PARD3B: variants seen among roughly 807,000 people sequenced by gnomAD.
PARD3B encodes par-3 family cell polarity regulator beta.
Under a neutral mutation model 130.2 loss-of-function variants are expected in PARD3B, and 103 were observed. That is an observed-to-expected ratio of 0.79 (90% CI 0.67 to 0.93). The LOEUF (loss-of-function observed/expected upper bound fraction) is 0.93. PARD3B is among the 40% of genes least tolerant of loss of function. The probability of loss-of-function intolerance (pLI) is 0.00; values close to 1 mark genes in which losing one functional copy is unlikely to be tolerated. For missense variants in PARD3B, 1,609 were observed against 1,499.2 expected (o/e 1.07, Z -1.21); for synonymous variants, 583 against 553.2 (o/e 1.05, Z -0.76).
chr2:204,946,259 G>A (rs190232812), intron 2 of PARD3B, among the ~76,000 whole-genome samples: 57 of 152,294 alleles, frequency 3.7e-4, no homozygotes, highest in African/African-American at 1.2e-3. Context: ...TACTGAAGAC[G>A]TGTCTCTTGG....
intron 14 of PARD3B, among the ~76,000 whole-genome samples, chr2:205,188,426 A>G (rs2036212584): frequency 6.6e-6 from 1 of 152,190 alleles, no homozygotes; most frequent in African/African-American, 2.4e-5. Flanking sequence ...CCTGGAGATG[A>G]CAGTATCAGG....
chr2:205,502,998 C>T (rs2050211919), intron 21 of PARD3B, among the ~76,000 whole-genome samples: 1 of 148,284 alleles, frequency 6.7e-6, no homozygotes, highest in Admixed American at 6.7e-5. Flanking sequence ...TCTCCCTTAT[C>T]CCCTCCCCTC....
chr2:204,801,149 G>A (rs2042554019), intron 2 of PARD3B, among the ~76,000 whole-genome samples: 2 of 152,162 alleles, frequency 1.3e-5, no homozygotes, highest in Admixed American at 6.5e-5. Flanking sequence ...CAGGTAGAGT[G>A]ATACCTCCAG....
chr2:204,853,420 G>C (rs1304564675), intron 2 of PARD3B, among the ~76,000 whole-genome samples: 1 of 152,194 alleles, frequency 6.6e-6, no homozygotes, highest in African/African-American at 2.4e-5. Context: ...AGTGAAGACA[G>C]AATGATGGGC....
At chr2:204,806,010 C>T (rs1262220262) in intron 2 of PARD3B, among the ~76,000 whole-genome samples, 2 of 152,008 alleles carry the variant, frequency 1.3e-5, no homozygotes, top group Non-Finnish European at 2.9e-5. Context: ...ATGAAAGCTA[C>T]TCCATGTTCA....
chr2:205,056,514 T>A (rs1699642613), intron 4 of PARD3B, among the ~76,000 whole-genome samples: 1 of 151,910 alleles, frequency 6.6e-6, no homozygotes, highest in Admixed American at 6.6e-5. Context: ...TAGGGACATC[T>A]GGAGGGAGTT....
intron 1 of PARD3B, among the ~76,000 whole-genome samples, chr2:204,587,041 A>G (rs1051298673): frequency 6.6e-6 from 1 of 152,208 alleles, no homozygotes; most frequent in African/African-American, 2.4e-5. Context: ...TATAAATGCA[A>G]TGTAAAAATG....
chr2:205,047,417 G>C (rs190314575), intron 3 of PARD3B, among the ~76,000 whole-genome samples, 164 bp from the exon 4 acceptor site: 2 of 152,200 alleles, frequency 1.3e-5, no homozygotes, highest in Non-Finnish European at 1.5e-5. Context: ...CCTATAAATA[G>C]ATGACAAAAG....
intron 1 of PARD3B, among the ~76,000 whole-genome samples, chr2:204,640,637 C>T (rs892282796): frequency 1.3e-5 from 2 of 152,160 alleles, no homozygotes; most frequent in Non-Finnish European, 2.9e-5. Context: ...CTTGCCTACA[C>T]TTGCTGTGAA....
intron 3 of PARD3B, among the ~76,000 whole-genome samples, chr2:204,996,153 C>A (rs1284932909): frequency 3.1e-5 from 3 of 96,676 alleles, no homozygotes; most frequent in Non-Finnish European, 6.1e-5. Context: ...GGAGGAGAGG[C>A]GCTCTGCGTT....
At chr2:204,845,235 ATTC>A (rs2044412279) in intron 2 of PARD3B, among the ~76,000 whole-genome samples, 1 of 152,144 alleles carries the variant, frequency 6.6e-6, no homozygotes, top group African/African-American at 2.4e-5. Flanking sequence ...GATACATGAT[ATTC>A]TTGCTGACTT....
Position 205,440,959 on chromosome 2 carries a change from T to C in PARD3B, c.3044+287T>C, listed in dbSNP as rs549684214. On this transcript the variant is annotated intron_variant, in intron 20 of 22. Coordinates refer to ENST00000406610, the MANE Select transcript of PARD3B (RefSeq NM_001302769.2). The surrounding 1 kb of genome is among the most constrained non-coding windows in gnomAD (Gnocchi z 4.2). ...GACAGACATCTCATGAAGAAAACTT[T>C]GAACGAATATTGTCCTTTCTCCTAA... 3.3e-5 allele frequency among the ~76,000 whole-genome samples: 5 copies of C among 152,326 alleles called. No individual in the cohort carries two copies. The highest frequency in any genetic ancestry group is 1.2e-4 in the African/African-American group (5 of 41,576).
At chr2:205,580,667 A>G (rs947336381) in intron 22 of PARD3B, among the ~76,000 whole-genome samples, 1 of 152,212 alleles carries the variant, frequency 6.6e-6, no homozygotes, top group Non-Finnish European at 1.5e-5. Context: ...TTTTAAAAGA[A>G]TTAATCACGA....
intron 15 of PARD3B, among the ~76,000 whole-genome samples, chr2:205,228,501 T>G (rs1236214061): frequency 6.6e-6 from 1 of 152,170 alleles, no homozygotes; most frequent in African/African-American, 2.4e-5. Context: ...TTGTTTATTA[T>G]TTGTTTCTTT....
chr2:205,326,211 G>A (rs752193814), intron 18 of PARD3B, among the ~76,000 whole-genome samples: 20 of 152,144 alleles, frequency 1.3e-4, no homozygotes, highest in Non-Finnish European at 2.6e-4. Context: ...ATGTGAGAGC[G>A]CTTTGTAATG....
intron 19 of PARD3B, among the ~76,000 whole-genome samples, chr2:205,439,351 C>A (rs1252754226): frequency 6.6e-6 from 1 of 152,144 alleles, no homozygotes; most frequent in Non-Finnish European, 1.5e-5. Context: ...CTTATCTCTC[C>A]TCTTGTACAC....
At chr2:205,061,276 A>G (rs1303666651) in intron 4 of PARD3B, among the ~76,000 whole-genome samples, 1 of 152,164 alleles carries the variant, frequency 6.6e-6, no homozygotes, top group African/African-American at 2.4e-5. Flanking sequence ...AGGTTCTGGC[A>G]TGGCAGTGGA....
intron 2 of PARD3B, among the ~76,000 whole-genome samples, chr2:204,766,099 A>G (rs2041133729): frequency 6.6e-6 from 1 of 152,136 alleles, no homozygotes; most frequent in South Asian, 2.1e-4. Flanking sequence ...TTTTAAGGCA[A>G]TTCTATATAT....
intron 20 of PARD3B, among the ~76,000 whole-genome samples, chr2:205,451,801 T>C (rs1177370546): frequency 1.3e-5 from 2 of 152,076 alleles, no homozygotes; most frequent in African/African-American, 4.8e-5. Flanking sequence ...CTTAAGCATT[T>C]ACCCTTTGTG....
Sources: allele counts gnomAD v4.1 joint callset (sites outside exome capture counted in the v4.1 genomes callset), GRCh38; gene constraint gnomAD v4.1.1; non-coding constraint Gnocchi (gnomAD v3.1); transcripts MANE v1.5; gene names NCBI Gene and HGNC (gene_info 2026-07-23, HGNC 2026-07-21).